DCST2: variants seen among roughly 807,000 people sequenced by gnomAD.
The protein encoded by DCST2 is DC-STAMP domain containing 2.
A neutral mutation model predicts 81.8 loss-of-function variants in DCST2; 64 were observed. That is an observed-to-expected ratio of 0.78 (90% CI 0.64 to 0.96). The LOEUF (loss-of-function observed/expected upper bound fraction) is 0.96, where lower values mean the gene tolerates loss of function less well. Among genes scored for constraint, DCST2 ranks in the 40% least tolerant of loss-of-function variants. The pLI, the probability that DCST2 is intolerant of heterozygous loss-of-function variation, is 0.00. For synonymous variants in DCST2, 354 were observed against 402.6 expected, an observed-to-expected ratio of 0.88 and a Z score of 1.44; for missense variants, 945 against 1,001.4, an observed-to-expected ratio of 0.94 and a Z score of 0.76.
Position 155,033,108 on chromosome 1 carries a change from T to C in DCST2, c.425A>G (p.Lys142Arg), listed in dbSNP as rs149783012. Residue 142 changes from lysine (K) to arginine (R), a missense_variant, in exon 2 of 15, where the codon AAG (lysine) becomes AGG (arginine). Coordinates refer to ENST00000368424, the MANE Select transcript of DCST2 (RefSeq NM_144622.3). ...GGGGGACTTACTGACAAGAGGTTGC[T>C]TGGCCCTCTGTAGCACTTCGGCGGT... is the stretch of plus-strand genomic sequence containing the variant. ...NQTAEVLQRAKQPLVSALNKI... is the reference protein window; with the variant it reads ...NQTAEVLQRARQPLVSALNKI... The C allele has an allele frequency of 2.0e-4, 309 of 1,582,558 alleles. 1 individual carries two copies. The highest frequency in any genetic ancestry group is 1.2e-3 in the Middle Eastern group (7 of 5,974).
At position 155,021,054 on chromosome 1, in the gene DCST2, C is replaced by T. The variant is rs370111121; in HGVS notation, c.2105+2063G>A. ...TCCCTCTGTCACCCAGGCTAAAATGCGGTGGCACAATCTTAGCTCCCTGCA... is the reference window on the plus strand; with the variant it reads ...TCCCTCTGTCACCCAGGCTAAAATGTGGTGGCACAATCTTAGCTCCCTGCA... On this transcript the variant is annotated intron_variant, in intron 14 of 14. Transcript: ENST00000368424. 3.9e-5 allele frequency among the ~76,000 whole-genome samples: 6 copies of T among 151,980 alleles called. No homozygotes were observed. The South Asian group carries it at 1.2e-3, about 32-fold the overall frequency.
At position 155,018,598 on chromosome 1, in the gene DCST2, T is replaced by G. The variant is rs776706699; in HGVS notation, c.2268A>C (p.Ser756=). The change falls in exon 15 of 15, where the codon TCA becomes TCC. Residue 756 remains serine, a synonymous_variant. Transcript: ENST00000368424. ...GAAGAGAGGGAGGTGAGAGAGGGAC[T>G]GAGGGTTCTGAAGCTGGAGTGGGGG... ...KGAPTPASEP[S]VPLSPPSLPD... 2 of 1,613,604 alleles carry G rather than the reference T, an allele frequency of 1.2e-6. No homozygotes were observed. Among genetic ancestry groups the G allele is most frequent in the Non-Finnish European group, 1.7e-6 (2 of 1,179,778 alleles).
chr1:155,033,016 C>T, intron 2 of DCST2, 78 bp downstream of exon 2: 2 of 1,433,260 alleles, frequency 1.4e-6, no homozygotes, highest in East Asian at 2.5e-5. Flanking sequence ...GAGAAGGAGG[C>T]CAAAGGACTG....
chr1:155,028,550 C>T (rs1659977568), intron 8 of DCST2, among the ~76,000 whole-genome samples: 1 of 151,568 alleles, frequency 6.6e-6, no homozygotes, highest in Admixed American at 6.6e-5. Context: ...CACCACTGCA[C>T]TCCAGCCTGG....
chr1:155,026,667 T>A lies in DCST2; in HGVS notation c.1391A>T (p.Asn464Ile), dbSNP rs1234797354. 1.6e-5 allele frequency: 26 copies of A among 1,614,190 alleles called. No homozygotes were observed. The highest frequency in any genetic ancestry group is 2.1e-5 in the Non-Finnish European group (25 of 1,180,040). ...LTVEGTGYAG[N>I]IYRDLVSAFD... Reference sequence around the variant, plus strand: ...TGCTGACACCAGGTCACGATAAATATTCCCAGCGTAGCCAGTACCTTCCAC... The same window carrying A: ...TGCTGACACCAGGTCACGATAAATAATCCCAGCGTAGCCAGTACCTTCCAC... The change falls in exon 9 of 15, where the codon AAT becomes ATT. Residue 464 changes from asparagine (N) to isoleucine (I), a missense_variant. Physicochemically the swap from Asn to Ile is moderately radical, Grantham distance 149. Transcript: ENST00000368424.
Position 155,031,727 on chromosome 1 carries a change from C to T in DCST2, c.586G>A (p.Asp196Asn). 2.0e-5 allele frequency: 33 copies of T among 1,613,960 alleles called. No homozygotes were observed. The highest frequency in any genetic ancestry group is 2.8e-5 in the Non-Finnish European group (33 of 1,180,040). ...TTGCCCAGTTCCGAGTTGCACACAT[C>T]GCCGATGTGCAGGAGCCACTGCCAC... ...NVWQWLLHIG[D>N]VCNSELGNPY... Residue 196 changes from aspartate (D) to asparagine (N), a missense_variant, in exon 4 of 15, where the codon GAT becomes AAT. Physicochemically the swap from Asp to Asn is conservative, Grantham distance 23. Coordinates refer to ENST00000368424, the MANE Select transcript of DCST2 (RefSeq NM_144622.3).
At chr1:155,031,474 A>G (rs1660078141) in intron 4 of DCST2, 100 bp downstream of exon 4, 6 of 1,376,324 alleles carry the variant, frequency 4.4e-6, no homozygotes, top group East Asian at 2.5e-5. Flanking sequence ...GTTGCCCTCT[A>G]ATCGTCCTCC....
chr1:155,022,605 AG>A (rs1659785998), intron 14 of DCST2, among the ~76,000 whole-genome samples: 1 of 152,116 alleles, frequency 6.6e-6, no homozygotes, highest in African/African-American at 2.4e-5. Context: ...ATAATAAGGC[AG>A]GTGTGATGGT....
intron 8 of DCST2, among the ~76,000 whole-genome samples, chr1:155,027,785 A>G (rs933643140): frequency 1.4e-5 from 2 of 144,006 alleles, no homozygotes; most frequent in African/African-American, 5.1e-5. Context: ...CTGGTCTTGA[A>G]CTCCTGACCT....
rs1174905551 is a variant in DCST2 at position 155,033,414 on chromosome 1, GC to G, written c.268+19del. The G allele has an allele frequency of 6.2e-7, 1 of 1,609,470 alleles. No individual in the cohort carries two copies. Among genetic ancestry groups the G allele is most frequent in the East Asian group, 2.2e-5 (1 of 44,762 alleles). ...CACCAGCCCCAGGACCTGCCCCCTA[GC>G]CCTGGGTGCCAAGCTCACTGGAGAA... On this transcript the variant is annotated intron_variant, in intron 1 of 14. Coordinates refer to ENST00000368424, the MANE Select transcript of DCST2 (RefSeq NM_144622.3).
chr1:155,032,855 G>A lies in DCST2; in HGVS notation c.440-87C>T, dbSNP rs183148429. On this transcript the variant is annotated intron_variant, in intron 2 of 14. Transcript: ENST00000368424. ...TGCCCCTTAAGCAGGGAGTAGAGAG[G>A]AGGCCACCATTTCCAGAGGCGGGAA... 1.4e-4 allele frequency: 178 copies of A among 1,294,576 alleles called. 1 individual carries two copies. In the East Asian group the frequency reaches 4.0e-3, roughly 29 times the overall value. 80.2% of individuals were successfully genotyped at this position (1,294,576 alleles called of 1,614,324 possible).
chr1:155,032,966 GTCCCT>G, intron 2 of DCST2, 123 bp downstream of exon 2: 1 of 1,141,100 alleles, frequency 8.8e-7, no homozygotes, highest in Non-Finnish European at 1.2e-6. Flanking sequence ...TGTGCCCAGA[GTCCCT>G]TCCAGGCCCA....
chr1:155,023,332 C>T (rs555788404), intron 13 of DCST2, 32 bp downstream of exon 13: 4 of 1,610,552 alleles, frequency 2.5e-6, no homozygotes, highest in East Asian at 2.2e-5. Flanking sequence ...CCCCTACAGA[C>T]TCCAGCCACC....
chr1:155,028,702 A>G (rs1038347895), intron 8 of DCST2, among the ~76,000 whole-genome samples: 50 of 149,694 alleles, frequency 3.3e-4, no homozygotes, highest in African/African-American at 1.2e-3. Context: ...GTGAAACCCC[A>G]TCTCTACTAA....
chr1:155,019,862 C>T (rs977809444), intron 14 of DCST2, among the ~76,000 whole-genome samples: 4 of 152,252 alleles, frequency 2.6e-5, no homozygotes, highest in Non-Finnish European at 4.4e-5. Context: ...ATCCCTTAAC[C>T]TCCCTAGTCG....
chr1:155,026,765 A>G (rs752319268), intron 8 of DCST2, 50 bp from the exon 9 acceptor site: 1 of 1,603,896 alleles, frequency 6.2e-7, no homozygotes, highest in South Asian at 1.1e-5. Flanking sequence ...TGCTATGCAG[A>G]AAACCCCACA....
At chr1:155,019,443 A>C (rs1174270077) in intron 14 of DCST2, among the ~76,000 whole-genome samples, 2 of 152,122 alleles carry the variant, frequency 1.3e-5, no homozygotes, top group African/African-American at 4.8e-5. Flanking sequence ...GGTTCTATTG[A>C]CCGTCATCTC....
intron 5 of DCST2, chr1:155,030,955 T>C (rs1343963182): frequency 1.6e-6 from 1 of 624,966 alleles, no homozygotes; most frequent in Non-Finnish European, 2.8e-6. Context: ...GCTCCTGCTC[T>C]CAGGGCAGGC....
chr1:155,018,614 G>A lies in DCST2; in HGVS notation c.2252C>T (p.Pro751Leu). 1.2e-6 allele frequency: 2 copies of A among 1,613,898 alleles called. No homozygotes were observed. The highest frequency in any genetic ancestry group is 1.7e-6 in the Non-Finnish European group (2 of 1,179,896). Reference protein sequence around the residue: ...TSSATKGAPTPASEPSVPLSP... With the variant: ...TSSATKGAPTLASEPSVPLSP... ...GAGAGGGACTGAGGGTTCTGAAGCT[G>A]GAGTGGGGGCTCCTTTAGTGGCGGA... Residue 751 changes from proline to leucine, a missense_variant, in exon 15 of 15, where the codon CCA becomes CTA. Pro to Leu is a moderately conservative substitution (Grantham distance 98). Coordinates refer to ENST00000368424, the MANE Select transcript of DCST2 (RefSeq NM_144622.3).
Sources: allele counts gnomAD v4.1 joint callset (sites outside exome capture counted in the v4.1 genomes callset), GRCh38; gene constraint gnomAD v4.1.1; transcripts MANE v1.5; gene names NCBI Gene and HGNC (gene_info 2026-07-23, HGNC 2026-07-21).